NIPBL: variants seen among roughly 807,000 people sequenced by gnomAD.
NIPBL encodes NIPBL cohesin loading factor, also known as nipped-B-like protein.
NIPBL carries 19 observed loss-of-function variants against 321.8 expected under a neutral mutation model. That is an observed-to-expected ratio of 0.06 (90% CI 0.04 to 0.09). The LOEUF is 0.09. Ranked by LOEUF, NIPBL falls within the 10% of genes least tolerant of loss-of-function variation. The pLI is 1.00. For synonymous variants in NIPBL, 1,106 were observed against 1,114.1 expected (o/e 0.99, Z 0.14); for missense variants, 2,210 against 3,327.0 (o/e 0.66, Z 8.26).
chr5:37,046,990 A>G (rs908923861), intron 38 of NIPBL, among the ~76,000 whole-genome samples: 5 of 152,200 alleles, frequency 3.3e-5, no homozygotes, highest in Admixed American at 6.6e-5. Flanking sequence ...AAAAAAAATT[A>G]CACCTGTACT....
chr5:36,933,150 T>C (rs1749909060), intron 1 of NIPBL, among the ~76,000 whole-genome samples: 1 of 152,118 alleles, frequency 6.6e-6, no homozygotes, highest in Non-Finnish European at 1.5e-5. Flanking sequence ...TTAAAGTAGA[T>C]AAGTTTTTAA....
rs1399170032 is a variant in NIPBL, at chr5:36,976,313, T to A, written c.1406T>A (p.Val469Glu). 1.2e-6 allele frequency: 2 copies of A among 1,612,550 alleles called. No individual in the cohort carries two copies. Among genetic ancestry groups the A allele is most frequent in the Non-Finnish European group, 1.7e-6 (2 of 1,179,216 alleles). ...CAACAGGGACCTATATATGATGAAGTGGAATTGGATGCATTGGCTGAAATT... is the reference window on the plus strand; with the variant it reads ...CAACAGGGACCTATATATGATGAAGAGGAATTGGATGCATTGGCTGAAATT... Reference protein sequence around the residue: ...ISQQGPIYDEVELDALAEIER... With the variant: ...ISQQGPIYDEEELDALAEIER... Residue 469 changes from valine (V) to glutamate (E), a missense_variant, in exon 9 of 47, where the codon GTG becomes GAG. Coordinates refer to ENST00000282516, the MANE Select transcript of NIPBL (RefSeq NM_133433.4).
At chr5:36,891,143 T>A (rs1352012860) in intron 1 of NIPBL, among the ~76,000 whole-genome samples, 1 of 151,910 alleles carries the variant, frequency 6.6e-6, no homozygotes, top group Non-Finnish European at 1.5e-5. Context: ...CGGGCGCCTG[T>A]AGTTCCAGCT....
chr5:37,017,200 ATAGT>A lies in NIPBL; in HGVS notation c.4920+41_4920+44del, dbSNP rs1240690397. 13 of 1,552,452 alleles carry A rather than the reference ATAGT, an allele frequency of 8.4e-6. No individual in the cohort carries two copies. The African/African-American group carries it at 1.6e-4, about 19-fold the overall frequency. On this transcript the variant is annotated intron_variant, in intron 24 of 46. Coordinates refer to ENST00000282516, the MANE Select transcript of NIPBL (RefSeq NM_133433.4). The stretch of plus-strand genomic sequence containing the variant: ...AAGATTAAAATTATGGGAATGAATA[ATAGT>A]TATTTTCTTTGCATGTCCTTACATT...
At chr5:37,049,706 A>G (rs1203945929) in intron 40 of NIPBL, among the ~76,000 whole-genome samples, 1 of 152,202 alleles carries the variant, frequency 6.6e-6, no homozygotes, top group African/African-American at 2.4e-5. Context: ...TATAAACTCA[A>G]TTCCTTCATC....
rs531615496 is a variant in NIPBL at position 37,006,362 on chromosome 5, C to T, written c.3861C>T (p.Asn1287=). 6.9e-5 allele frequency: 105 copies of T among 1,524,522 alleles called. No individual in the cohort carries two copies. In the Middle Eastern group the frequency reaches 1.4e-3, roughly 20 times the overall value. 94.4% of individuals were successfully genotyped at this position (1,524,522 alleles called of 1,614,324 possible). ...TTAACAATACTGTTTTACAGAATAA[C>T]GATACTGAAGAAGAAGAAAGGTTAT... ...SKLSTLLNHN[N]DTEEEERLWR... is the part of the protein sequence containing the mutation. Residue 1287 remains asparagine, a synonymous_variant, in exon 17 of 47, where the codon AAC becomes AAT. Coordinates refer to ENST00000282516, the MANE Select transcript of NIPBL (RefSeq NM_133433.4).
intron 25 of NIPBL, among the ~76,000 whole-genome samples, chr5:37,019,911 G>A (rs1749434038): frequency 6.6e-6 from 1 of 152,112 alleles, no homozygotes; most frequent in African/African-American, 2.4e-5. Context: ...TTTAACTGGT[G>A]GGATATGCAA....
intron 10 of NIPBL, 82 bp downstream of exon 10, chr5:36,986,383 C>CA: frequency 2.0e-6 from 2 of 985,162 alleles, no homozygotes; most frequent in Non-Finnish European, 1.4e-6. Flanking sequence ...AGGAAATTTA[C>CA]AAAAATTAGA....
At position 37,044,658 on chromosome 5, in the gene NIPBL, G is replaced by C; in HGVS notation, c.6272G>C (p.Cys2091Ser). 6.2e-7 allele frequency: 1 copy of C among 1,613,850 alleles called. No homozygotes were observed. Among genetic ancestry groups the C allele is most frequent in the Non-Finnish European group, 8.5e-7 (1 of 1,179,838 alleles). The change falls in exon 36 of 47, where the codon TGT (cysteine) becomes TCT (serine). Residue 2091 changes from cysteine to serine, a missense_variant. By Grantham distance (112) the Cys-to-Ser change is moderately radical. Around this residue, in one of 14 missense-constraint regions of NIPBL, gnomAD observed 73 missense variants for 222.3 expected, o/e 0.33. Coordinates refer to ENST00000282516, the MANE Select transcript of NIPBL (RefSeq NM_133433.4). ...TAGGTAGTGCAACATTGTGTGAGCT[G>C]TCTTGGAGCTGTTGTAAATAAAGTG... The part of the protein sequence containing the change: ...GMTVVQHCVS[C>S]LGAVVNKVTQ...
At chr5:37,013,605 C>G (rs559575617) in intron 21 of NIPBL, among the ~76,000 whole-genome samples, 1 of 148,710 alleles carries the variant, frequency 6.7e-6, no homozygotes, top group African/African-American at 2.5e-5. Context: ...ACATCTCAGA[C>G]GATGGGTGGC....
chr5:37,008,764 C>G, intron 20 of NIPBL, 41 bp downstream of exon 20: 1 of 961,678 alleles, frequency 1.0e-6, no homozygotes, highest in Admixed American at 1.7e-5. Flanking sequence ...TGAAGAACCA[C>G]CATTATATTG....
Position 36,932,727 on chromosome 5 carries a change from CCTT to C in NIPBL, c.-79-20887_-79-20885del, listed in dbSNP as rs898052552. 3.4e-4 allele frequency among the ~76,000 whole-genome samples: 50 copies of C among 145,876 alleles called. 1 individual carries two copies. Among genetic ancestry groups the C allele is most frequent in the Non-Finnish European group, 1.5e-4 (10 of 66,584 alleles). On this transcript the variant is annotated intron_variant, in intron 1 of 46. Transcript: ENST00000282516. Reference sequence around the variant, plus strand: ...TACTTATGCCATTCTTCCTTTACTGCCTTCTTTTGTGTTAAATATTCTTTTAGT... The same window carrying C: ...TACTTATGCCATTCTTCCTTTACTGCCTTTTGTGTTAAATATTCTTTTAGT...
chr5:37,009,022 T>C (rs967228725), intron 20 of NIPBL, among the ~76,000 whole-genome samples: 7 of 152,194 alleles, frequency 4.6e-5, no homozygotes, highest in Non-Finnish European at 2.9e-5. Context: ...TACAGCATGC[T>C]CAGCGGCATC....
rs762668290 is a variant in NIPBL, at chr5:37,007,992, C to G, written c.4240-16C>G. 4 of 1,499,698 alleles carry G rather than the reference C, an allele frequency of 2.7e-6. No individual in the cohort carries two copies. The highest frequency in any genetic ancestry group is 3.7e-6 in the Non-Finnish European group (4 of 1,076,232). 92.9% of individuals were successfully genotyped at this position (1,499,698 alleles called of 1,614,324 possible). On this transcript the variant is annotated splice_polypyrimidine_tract_variant and intron_variant, in intron 18 of 46. Transcript: ENST00000282516. ...CAACTAAAGGTGTATACTACTTACTCTTCTTTTTTAAACAGGTTTCATCTA... is the reference window on the plus strand; with the variant it reads ...CAACTAAAGGTGTATACTACTTACTGTTCTTTTTTAAACAGGTTTCATCTA...
intron 1 of NIPBL, among the ~76,000 whole-genome samples, chr5:36,889,888 AT>A (rs983571018): frequency 6.6e-6 from 1 of 151,644 alleles, no homozygotes; most frequent in African/African-American, 2.4e-5. Flanking sequence ...ACTTTTCTTA[AT>A]TTTTTTTCAA....
At chr5:37,057,371 A>C in intron 43 of NIPBL, 39 bp downstream of exon 43, 1 of 1,575,166 alleles carries the variant, frequency 6.3e-7, no homozygotes, top group Non-Finnish European at 8.7e-7. Context: ...CCATCTGTCA[A>C]AGTGCAGGCA....
chr5:36,890,445 A>G (rs35809470), intron 1 of NIPBL, among the ~76,000 whole-genome samples: 26,165 of 152,172 alleles, frequency 0.17, 2,625 homozygotes, highest in African/African-American at 0.26. Flanking sequence ...TGTGTTTTTC[A>G]TATAGAATAC....
Position 36,892,191 on chromosome 5 carries a change from T to A in NIPBL, c.-80+15013T>A, listed in dbSNP as rs1009102784. Among the ~76,000 whole-genome samples, 5 of 152,104 alleles carry A rather than the reference T, an allele frequency of 3.3e-5. No homozygotes were observed. The East Asian group carries it at 9.6e-4, about 29-fold the overall frequency. On this transcript the variant is annotated intron_variant, in intron 1 of 46. Transcript: ENST00000282516. ...AAAAGTAGTACAGTGGATGAAAAAA[T>A]GCTCATCACTGGCCATCAGAGAAAT... is the stretch of plus-strand genomic sequence containing the variant.
intron 32 of NIPBL, among the ~76,000 whole-genome samples, 191 bp downstream of exon 32, chr5:37,027,603 G>GTTTTTTTTTTTTTT (rs781358128): frequency 4.3e-5 from 3 of 69,764 alleles, no homozygotes; most frequent in African/African-American, 6.6e-5. Context: ...CCTGGTTGTG[G>GTTTTTTTTTTTTTT]TTTTTTTTTT....
Sources: gnomAD v4.1 joint callset for allele counts (sites outside exome capture counted in the v4.1 genomes callset) on GRCh38, gnomAD v4.1.1 for gene constraint, gnomAD v4.1.1 regional missense constraint, MANE v1.5 for transcripts, NCBI Gene and HGNC (gene_info 2026-07-23, HGNC 2026-07-21) for gene names.